MEP1A: variants seen among roughly 807,000 people sequenced by gnomAD.
The protein encoded by MEP1A is meprin A subunit alpha.
MEP1A carries 68 observed loss-of-function variants against 84.5 expected under a neutral mutation model. That is an observed-to-expected ratio of 0.80 (90% CI 0.66 to 0.98). MEP1A has a LOEUF of 0.98. Among genes scored for constraint, MEP1A ranks in the 50% least tolerant of loss-of-function variants. The probability of loss-of-function intolerance (pLI) is 0.00; values close to 1 mark genes in which losing one functional copy is unlikely to be tolerated. For missense variants in MEP1A, 887 were observed against 919.9 expected (o/e 0.96, Z 0.46); for synonymous variants, 337 against 336.8 (o/e 1.00, Z -0.01).
Position 46,833,205 on chromosome 6 carries a change from C to T in MEP1A, c.1276C>T (p.Leu426=), listed in dbSNP as rs1386459854. The change falls in exon 11 of 14, where the codon CTG becomes TTG. Residue 426 remains leucine, a synonymous_variant. Coordinates refer to ENST00000230588, the MANE Select transcript of MEP1A (RefSeq NM_005588.3). ...TGGIYLDDIT[L]TETPCPTGVW... Reference sequence around the variant, plus strand: ...GGGAATTTACCTAGATGACATCACTCTGACAGAAACCCCCTGCCCCACAGG... The same window carrying T: ...GGGAATTTACCTAGATGACATCACTTTGACAGAAACCCCCTGCCCCACAGG... The T allele has an allele frequency of 6.2e-7, 1 of 1,612,654 alleles. No homozygotes were observed. The highest frequency in any genetic ancestry group is 8.5e-7 in the Non-Finnish European group (1 of 1,179,314).
chr6:46,825,928 C>A (rs907614393), intron 8 of MEP1A, among the ~76,000 whole-genome samples: 1 of 152,256 alleles, frequency 6.6e-6, no homozygotes, highest in Non-Finnish European at 1.5e-5. Context: ...TCTTTACTTA[C>A]GTTAGTTATT....
chr6:46,793,426 C>T lies in MEP1A; in HGVS notation c.28C>T (p.Leu10Phe). 6.3e-7 allele frequency: 1 copy of T among 1,597,588 alleles called. No individual in the cohort carries two copies. Among genetic ancestry groups the T allele is most frequent in the Non-Finnish European group, 8.5e-7 (1 of 1,175,688 alleles). The change falls in exon 1 of 14, where the codon CTC becomes TTC. Residue 10 changes from leucine (L) to phenylalanine (F), a missense_variant. By Grantham distance (22) the Leu-to-Phe change is conservative. Transcript: ENST00000230588. MAWIRSTCILFFTLLFAHIA... is the reference protein window; with the variant it reads MAWIRSTCIFFFTLLFAHIA... ...GGCTTGGATTAGATCCACTTGCATT[C>T]TCTTTTTTACCTTGCTTTTTGCCCA...
At position 46,821,864 on chromosome 6, in the gene MEP1A, C is replaced by T. The variant is rs77405926; in HGVS notation, c.556+2160C>T. 5.9e-3 allele frequency among the ~76,000 whole-genome samples: 905 copies of T among 152,216 alleles called. 13 individuals carry two copies. The highest frequency in any genetic ancestry group is 0.02 in the African/African-American group (846 of 41,526). ...CGTATATCTAAATTGCCTGCAACCA[C>T]GGGAGAACTGTTCTCAAAAGAGACA... On this transcript the variant is annotated intron_variant, in intron 7 of 13. Coordinates refer to ENST00000230588, the MANE Select transcript of MEP1A (RefSeq NM_005588.3).
rs1581662282 is a variant in MEP1A at position 46,798,750 on chromosome 6, A to T, written c.186+104A>T. On this transcript the variant is annotated intron_variant, in intron 4 of 13. Transcript: ENST00000230588. ...CCCTGGGATGGGCACTGTGAAGGAG[A>T]TGAGAGAAATCTCATCTATAATCTG... The T allele has an allele frequency of 8.5e-6, 8 of 944,740 alleles. No individual in the cohort carries two copies. In the East Asian group the frequency reaches 1.9e-4, roughly 23 times the overall value. 58.5% of individuals were successfully genotyped at this position (944,740 alleles called of 1,614,324 possible). A position where few individuals can be genotyped will look rare whatever the true frequency, so the allele number is the denominator to read the frequency against.
At chr6:46,823,535 C>T (rs1017864100) in intron 7 of MEP1A, among the ~76,000 whole-genome samples, 2 of 152,124 alleles carry the variant, frequency 1.3e-5, no homozygotes, top group Non-Finnish European at 2.9e-5. Context: ...TTGTTTGAAC[C>T]CAGGAGGCAG....
chr6:46,819,898 A>G (rs1255123427), intron 7 of MEP1A, among the ~76,000 whole-genome samples, 194 bp downstream of exon 7: 1 of 152,222 alleles, frequency 6.6e-6, no homozygotes, highest in Non-Finnish European at 1.5e-5. Context: ...AAGGGCCTCA[A>G]GGAATGGTGT....
chr6:46,845,474 A>G, the MEP1A span, among the ~76,000 whole-genome samples: 1 of 152,224 alleles, frequency 6.6e-6, no homozygotes, highest in South Asian at 2.1e-4. Flanking sequence ...ACTTTAAGTC[A>G]CCGTTATTTT....
At chr6:46,823,020 T>C (rs1767819015) in intron 7 of MEP1A, among the ~76,000 whole-genome samples, 1 of 152,196 alleles carries the variant, frequency 6.6e-6, no homozygotes, top group African/African-American at 2.4e-5. Flanking sequence ...AACTTTCCCC[T>C]TCCCTGTTAG....
intron 6 of MEP1A, among the ~76,000 whole-genome samples, chr6:46,812,409 T>A (rs1418311060): frequency 6.6e-6 from 1 of 152,092 alleles, no homozygotes; most frequent in Non-Finnish European, 1.5e-5. Context: ...TTATTTATTT[T>A]TTCAAAGAAC....
rs369568027 is a variant in MEP1A, at chr6:46,826,134, G to GT, written c.779-212dup. 2.3e-4 allele frequency among the ~76,000 whole-genome samples: 35 copies of GT among 152,052 alleles called. No individual in the cohort carries two copies. The South Asian group carries it at 3.7e-3, about 16-fold the overall frequency. ...ATTTACATGGCAGAGAATGATTATA[G>GT]TTTTTTTTATCTTGACTCTGTGAGG... On this transcript the variant is annotated intron_variant, in intron 8 of 13. Coordinates refer to ENST00000230588, the MANE Select transcript of MEP1A (RefSeq NM_005588.3).
chr6:46,799,439 T>C (rs1054939236), intron 5 of MEP1A, among the ~76,000 whole-genome samples: 10 of 152,146 alleles, frequency 6.6e-5, no homozygotes, highest in Non-Finnish European at 1.5e-4. Context: ...CAGGAGAACA[T>C]AAAAGAGCAA....
At chr6:46,821,952 T>C (rs1767787612) in intron 7 of MEP1A, among the ~76,000 whole-genome samples, 2 of 152,232 alleles carry the variant, frequency 1.3e-5, no homozygotes, top group African/African-American at 4.8e-5. Context: ...GTGAGTTTTA[T>C]TGATTTAACT....
intron 5 of MEP1A, among the ~76,000 whole-genome samples, chr6:46,805,938 C>T (rs1010824462): frequency 3.3e-5 from 5 of 151,880 alleles, no homozygotes; most frequent in South Asian, 2.1e-4. Flanking sequence ...GTCACTAAAG[C>T]GCTATTCATT....
intron 6 of MEP1A, among the ~76,000 whole-genome samples, chr6:46,812,121 A>G (rs1359203891): frequency 1.3e-5 from 2 of 151,778 alleles, no homozygotes; most frequent in Admixed American, 6.6e-5. Flanking sequence ...TTTGTTGGCA[A>G]TTTTTGAATT....
At chr6:46,794,483 C>G (rs1367814143) in intron 3 of MEP1A, among the ~76,000 whole-genome samples, 1 of 152,130 alleles carries the variant, frequency 6.6e-6, no homozygotes, top group Non-Finnish European at 1.5e-5. Context: ...GTGACTTGCT[C>G]AAGATCATAG....
intron 6 of MEP1A, among the ~76,000 whole-genome samples, chr6:46,812,445 G>A (rs745829557): frequency 6.6e-6 from 1 of 151,538 alleles, no homozygotes; most frequent in Non-Finnish European, 1.5e-5. Context: ...TTTGTCTTTT[G>A]TATTTTTTTA....
Position 46,819,963 on chromosome 6 carries a change from T to C in MEP1A, c.556+259T>C, listed in dbSNP as rs543098354. On this transcript the variant is annotated intron_variant, in intron 7 of 13. Coordinates refer to ENST00000230588, the MANE Select transcript of MEP1A (RefSeq NM_005588.3). ...AACCAGAAGCTTTGCTTTATATCAG[T>C]GTTTTCATTAAAACTCTATCTAAAA... Among the ~76,000 whole-genome samples, 204 of 152,320 alleles carry C rather than the reference T, an allele frequency of 1.3e-3. 1 individual carries two copies. Among genetic ancestry groups the C allele is most frequent in the African/African-American group, 4.8e-3 (200 of 41,564 alleles).
In MEP1A at chr6:46,835,463, G is replaced by T. The variant is rs1581690666; in HGVS notation, c.1998G>T (p.Trp666Cys). Residue 666 changes from tryptophan to cysteine, a missense_variant, in exon 13 of 14, where the codon TGG (tryptophan) becomes TGT (cysteine). Trp to Cys is a radical substitution (Grantham distance 215). Transcript: ENST00000230588. ...ENTGPLEDHNWPQYFRDPCDP... is the reference protein window; with the variant it reads ...ENTGPLEDHNCPQYFRDPCDP... ...CAGGCCCCCTGGAGGACCATAACTG[G>T]CCACAGTACTTCAGAGACCCATGTG... 6.2e-7 allele frequency: 1 copy of T among 1,612,990 alleles called. No homozygotes were observed. The highest frequency in any genetic ancestry group is 8.5e-7 in the Non-Finnish European group (1 of 1,179,592).
chr6:46,807,269 A>G (rs566630094), intron 5 of MEP1A, among the ~76,000 whole-genome samples: 1 of 152,018 alleles, frequency 6.6e-6, no homozygotes, highest in South Asian at 2.1e-4. Flanking sequence ...TTGACACAGA[A>G]CTATGTACAA....
Sources: gnomAD v4.1 joint callset for allele counts (sites outside exome capture counted in the v4.1 genomes callset) on GRCh38, gnomAD v4.1.1 for gene constraint, MANE v1.5 for transcripts, NCBI Gene and HGNC (gene_info 2026-07-23, HGNC 2026-07-21) for gene names.